Variants in DCC observed in about 807,000 individuals in gnomAD.
DCC encodes netrin receptor DCC.
A neutral mutation model predicts 172.5 loss-of-function variants in DCC; 58 were observed. That is an observed-to-expected ratio of 0.34 (90% CI 0.27 to 0.42). The LOEUF is 0.42. Ranked by LOEUF, DCC falls within the 10% of genes least tolerant of loss-of-function variation. The probability of loss-of-function intolerance (pLI) is 1.00; values close to 1 mark genes in which losing one functional copy is unlikely to be tolerated. For synonymous variants in DCC, 709 were observed against 644.5 expected, an observed-to-expected ratio of 1.10 and a Z score of -1.52; for missense variants, 1,740 against 1,791.0, an observed-to-expected ratio of 0.97 and a Z score of 0.51.
chr18:52,688,581 G>C (rs944987854), intron 1 of DCC, among the ~76,000 whole-genome samples: 5 of 152,008 alleles, frequency 3.3e-5, no homozygotes, highest in African/African-American at 4.8e-5. Context: ...AGGACTATAG[G>C]TAATAACAGT....
intron 5 of DCC, among the ~76,000 whole-genome samples, chr18:53,010,079 TGTTTA>T (rs2041706353): frequency 6.6e-6 from 1 of 152,008 alleles, no homozygotes; most frequent in African/African-American, 2.4e-5. Context: ...ATACTGGTTT[TGTTTA>T]GTTTAGTTAA....
At chr18:52,929,506 G>A (rs2040270553) in intron 5 of DCC, among the ~76,000 whole-genome samples, 3 of 152,208 alleles carry the variant, frequency 2.0e-5, no homozygotes, top group African/African-American at 7.2e-5. Flanking sequence ...CAGAAAGGCT[G>A]ACAGGGGAGC....
At chr18:53,113,009 A>G (rs2144261209) in intron 7 of DCC, among the ~76,000 whole-genome samples, 1 of 151,686 alleles carries the variant, frequency 6.6e-6, no homozygotes, top group Non-Finnish European at 1.5e-5. Context: ...ACTGATTCAT[A>G]GAATCAATAA....
chr18:52,378,240 T>C (rs1985435150), intron 1 of DCC, among the ~76,000 whole-genome samples: 2 of 152,004 alleles, frequency 1.3e-5, no homozygotes, highest in African/African-American at 2.4e-5. Flanking sequence ...ATGGAAATAA[T>C]TAACTGAATT....
chr18:52,436,259 G>T (rs1169771042), intron 1 of DCC, among the ~76,000 whole-genome samples: 1 of 152,226 alleles, frequency 6.6e-6, no homozygotes, highest in Non-Finnish European at 1.5e-5. Context: ...TTTTATAGTG[G>T]CTTCTGGAAA....
chr18:53,445,228 A>G (rs1599158752), intron 22 of DCC, among the ~76,000 whole-genome samples: 1 of 152,206 alleles, frequency 6.6e-6, no homozygotes, highest in East Asian at 1.9e-4. Context: ...TCAAGGCCGT[A>G]TGAACTTTGG....
At chr18:52,790,954 T>C (rs1286861715) in intron 2 of DCC, among the ~76,000 whole-genome samples, 2 of 152,190 alleles carry the variant, frequency 1.3e-5, no homozygotes, top group East Asian at 3.9e-4. Flanking sequence ...GCAATGAGAA[T>C]GGAAGTTGAA....
At chr18:52,645,337 T>A (rs2034998884) in intron 1 of DCC, among the ~76,000 whole-genome samples, 1 of 152,162 alleles carries the variant, frequency 6.6e-6, no homozygotes. Context: ...GGCAGTTAAA[T>A]TTTATACTTT....
intron 2 of DCC, among the ~76,000 whole-genome samples, chr18:52,801,543 C>A (rs1052671140): frequency 6.6e-6 from 1 of 152,044 alleles, no homozygotes; most frequent in African/African-American, 2.4e-5. Context: ...GCAGAAAATG[C>A]AAGACAAAAT....
intron 7 of DCC, among the ~76,000 whole-genome samples, chr18:53,141,386 A>G (rs570799719): frequency 6.6e-6 from 1 of 152,364 alleles, no homozygotes; most frequent in Admixed American, 6.5e-5. Context: ...AGTGAAATTT[A>G]AAATTATTTA....
At chr18:52,942,176 T>C (rs1161387520) in intron 5 of DCC, among the ~76,000 whole-genome samples, 1 of 152,214 alleles carries the variant, frequency 6.6e-6, no homozygotes, top group East Asian at 1.9e-4. Context: ...TTAATCAAAA[T>C]AATATGAAAA....
intron 5 of DCC, among the ~76,000 whole-genome samples, chr18:52,962,007 A>G (rs2040850310): frequency 6.6e-6 from 1 of 152,210 alleles, no homozygotes; most frequent in Non-Finnish European, 1.5e-5. Flanking sequence ...TAAAAACCCT[A>G]GAAGAAACCC....
At chr18:52,863,700 T>C (rs538694541) in intron 2 of DCC, among the ~76,000 whole-genome samples, 7 of 151,866 alleles carry the variant, frequency 4.6e-5, no homozygotes, top group Non-Finnish European at 7.4e-5. Context: ...AGTGTATTTA[T>C]GAATGTTTAT....
At chr18:52,345,775 A>G (rs1055112002) in intron 1 of DCC, among the ~76,000 whole-genome samples, 14 of 152,046 alleles carry the variant, frequency 9.2e-5, no homozygotes, top group Admixed American at 5.3e-4. Context: ...ATGTTCATGC[A>G]TGCTGCTTTT....
At chr18:53,072,015 C>A (rs928717173) in intron 7 of DCC, among the ~76,000 whole-genome samples, 4 of 152,078 alleles carry the variant, frequency 2.6e-5, no homozygotes, top group African/African-American at 9.7e-5. Flanking sequence ...GTAATCCCAG[C>A]TACTTGGGAG....
chr18:52,452,632 A>G (rs948752520), intron 1 of DCC, among the ~76,000 whole-genome samples: 8 of 152,356 alleles, frequency 5.3e-5, no homozygotes, highest in East Asian at 3.9e-4. Context: ...GGGTTTTGCA[A>G]TAAGTGCTCA....
chr18:53,016,001 T>G (rs947286415), intron 5 of DCC, among the ~76,000 whole-genome samples: 6 of 152,172 alleles, frequency 3.9e-5, no homozygotes, highest in African/African-American at 1.2e-4. Context: ...AATCCAAGTT[T>G]ACTACTATTT....
At chr18:52,834,550 G>A (rs185109083) in intron 2 of DCC, among the ~76,000 whole-genome samples, 5 of 152,182 alleles carry the variant, frequency 3.3e-5, no homozygotes, top group African/African-American at 7.2e-5. Context: ...GAGCTCGTCT[G>A]GGGTGTTACT....
intron 2 of DCC, among the ~76,000 whole-genome samples, chr18:52,846,912 G>C (rs2038903191): frequency 6.6e-6 from 1 of 152,110 alleles, no homozygotes; most frequent in Admixed American, 6.5e-5. Context: ...GGGGCTGTCA[G>C]TGCAAATATA....
Sources: allele counts gnomAD v4.1 joint callset (sites outside exome capture counted in the v4.1 genomes callset), GRCh38; gene constraint gnomAD v4.1.1; transcripts MANE v1.5; gene names NCBI Gene and HGNC (gene_info 2026-07-23, HGNC 2026-07-21).